The following DAB1 variants were observed in gnomAD, a reference collection of about 807,000 sequenced individuals.
DAB1 encodes the protein DAB adaptor protein 1, also known as disabled homolog 1.
DAB1 carries 15 observed loss-of-function variants against 64.6 expected under a neutral mutation model. The observed-to-expected ratio is 0.23, with a 90% CI of 0.16 to 0.36. DAB1 has a LOEUF of 0.36. DAB1 is among the 10% of genes least tolerant of loss of function. The probability of loss-of-function intolerance (pLI) is 1.00; values close to 1 mark genes in which losing one functional copy is unlikely to be tolerated. For synonymous variants in DAB1, 235 were observed against 251.9 expected (o/e 0.93, Z 0.64); for missense variants, 596 against 706.7 (o/e 0.84, Z 1.78).
intron 4 of DAB1, among the ~76,000 whole-genome samples, chr1:57,134,537 AGG>A (rs1657913535): frequency 6.6e-6 from 1 of 151,804 alleles, no homozygotes; most frequent in Non-Finnish European, 1.5e-5. Flanking sequence ...GTAGTGAAGG[AGG>A]GAGAGGAAGA....
At chr1:57,956,379 T>C (rs1645394333) in intron 5 of DAB1, among the ~76,000 whole-genome samples, 1 of 152,118 alleles carries the variant, frequency 6.6e-6, no homozygotes, top group East Asian at 1.9e-4. Flanking sequence ...AGCAGCCCCC[T>C]TGAAGGGGAT....
chr1:57,490,482 C>G (rs1644148150), intron 7 of DAB1, among the ~76,000 whole-genome samples: 3 of 151,898 alleles, frequency 2.0e-5, no homozygotes, highest in Admixed American at 2.0e-4. Context: ...TATAGGATTG[C>G]CTAGGCTGCT....
intron 2 of DAB1, among the ~76,000 whole-genome samples, chr1:57,223,583 A>G (rs1426355928): frequency 2.0e-5 from 3 of 152,164 alleles, no homozygotes; most frequent in African/African-American, 7.2e-5. Flanking sequence ...AACTGAGTGG[A>G]TGGAAGCCAC....
chr1:57,457,305 A>T (rs1686633563), intron 7 of DAB1, among the ~76,000 whole-genome samples: 1 of 152,142 alleles, frequency 6.6e-6, no homozygotes, highest in Non-Finnish European at 1.5e-5. Flanking sequence ...CTGTTAGAGA[A>T]ATCTGACCAG....
At chr1:58,088,330 C>A (rs540187006) in intron 5 of DAB1, among the ~76,000 whole-genome samples, 2 of 152,324 alleles carry the variant, frequency 1.3e-5, no homozygotes, top group East Asian at 3.9e-4. Flanking sequence ...CGACATTTTG[C>A]TGAAACGAAT....
intron 1 of DAB1, among the ~76,000 whole-genome samples, chr1:57,421,674 T>C (rs1198334930): frequency 1.3e-5 from 2 of 152,108 alleles, no homozygotes; most frequent in African/African-American, 2.4e-5. Context: ...AAAAGAACAA[T>C]AGCGCTTCAA....
At chr1:57,898,873 C>T (rs1166782625) in intron 5 of DAB1, among the ~76,000 whole-genome samples, 4 of 152,154 alleles carry the variant, frequency 2.6e-5, no homozygotes, top group South Asian at 2.1e-4. Flanking sequence ...TGTGTGCGTG[C>T]GTGTATGCGC....
chr1:57,382,432 G>T (rs558885870), intron 1 of DAB1, among the ~76,000 whole-genome samples: 80 of 152,112 alleles, frequency 5.3e-4, no homozygotes, highest in African/African-American at 1.5e-3. Flanking sequence ...GTTTTCTTTT[G>T]CTGCCATAAC....
intron 4 of DAB1, among the ~76,000 whole-genome samples, chr1:58,156,839 G>A (rs1655253838): frequency 1.3e-5 from 2 of 152,158 alleles, no homozygotes; most frequent in South Asian, 2.1e-4. Context: ...TGATAAGTAG[G>A]AATCAGAACA....
chr1:57,033,406 C>CT, intron 9 of DAB1: 16 of 1,612,920 alleles, frequency 9.9e-6, no homozygotes, highest in Non-Finnish European at 1.4e-5. Flanking sequence ...TCAAAAATCT[C>CT]ATCAAAGTCT....
chr1:57,092,164 A>C (rs545480630), intron 4 of DAB1, among the ~76,000 whole-genome samples: 1 of 152,310 alleles, frequency 6.6e-6, no homozygotes, highest in Non-Finnish European at 1.5e-5. Context: ...ATTGGTTCTC[A>C]CCATTGTATA....
chr1:57,853,551 C>T (rs1162661591), intron 1 of DAB1, among the ~76,000 whole-genome samples: 1 of 151,596 alleles, frequency 6.6e-6, no homozygotes, highest in Non-Finnish European at 1.5e-5. Context: ...AGGCAGGACC[C>T]AGAATCGATG....
intron 4 of DAB1, among the ~76,000 whole-genome samples, chr1:57,092,194 C>T (rs923288257): frequency 6.6e-6 from 1 of 152,208 alleles, no homozygotes; most frequent in Admixed American, 6.5e-5. Flanking sequence ...GCTCATTCAA[C>T]AAAATCATTT....
intron 3 of DAB1, among the ~76,000 whole-genome samples, chr1:58,504,457 C>G (rs1422294800): frequency 6.6e-6 from 1 of 152,170 alleles, no homozygotes; most frequent in Non-Finnish European, 1.5e-5. Context: ...GACAACCGAA[C>G]ATAGACTAGT....
intron 1 of DAB1, among the ~76,000 whole-genome samples, chr1:57,863,976 C>T (rs752915514): frequency 4.6e-5 from 7 of 152,106 alleles, no homozygotes; most frequent in Middle Eastern, 3.2e-3. Flanking sequence ...GAGATAAAAT[C>T]CCTGCTGTCA....
At position 57,699,838 on chromosome 1, in the gene DAB1, G is replaced by A. The variant is rs545343507; in HGVS notation, n.552-50173C>T. On this transcript the variant is annotated intron_variant and non_coding_transcript_variant, in intron 6 of 20. Coordinates refer to the DAB1 transcript ENST00000485760. Reference sequence around the variant, plus strand: ...TGAGGCAGGAGAATCACTTGATCCCGGGAGGCGGAGGTTGCAGTGAGCTGA... The same window carrying A: ...TGAGGCAGGAGAATCACTTGATCCCAGGAGGCGGAGGTTGCAGTGAGCTGA... 9.2e-5 allele frequency among the ~76,000 whole-genome samples: 14 copies of A among 152,204 alleles called. No individual in the cohort carries two copies. The South Asian group carries it at 2.1e-3, about 23-fold the overall frequency.
chr1:57,304,719 AC>A (rs535054771), intron 1 of DAB1, among the ~76,000 whole-genome samples: 141 of 152,342 alleles, frequency 9.3e-4, no homozygotes, highest in African/African-American at 3.1e-3. Flanking sequence ...ATTTGCATAT[AC>A]TTCTTTGGAA....
intron 7 of DAB1, among the ~76,000 whole-genome samples, chr1:57,526,678 G>T (rs1488897014): frequency 6.6e-6 from 1 of 152,154 alleles, no homozygotes; most frequent in African/African-American, 2.4e-5. Context: ...TGGTAAATAA[G>T]AAAGATATAT....
At position 57,779,333 on chromosome 1, in the gene DAB1, G is replaced by A. The variant is rs578214333; in HGVS notation, n.551+104666C>T. Among the ~76,000 whole-genome samples, 8 of 152,194 alleles carry A rather than the reference G, an allele frequency of 5.3e-5. No homozygotes were observed. In the South Asian group the frequency reaches 6.2e-4, roughly 12 times the overall value. On this transcript the variant is annotated intron_variant and non_coding_transcript_variant, in intron 6 of 20. Transcript: ENST00000485760. The stretch of plus-strand genomic sequence containing the variant: ...TTATTATAGAAACTGAAAGGCCAGC[G>A]TGACTGAAGCGAAATGAAGGATGGC...
Sources: gnomAD v4.1 joint callset for allele counts (sites outside exome capture counted in the v4.1 genomes callset) on GRCh38, gnomAD v4.1.1 for gene constraint, MANE v1.5 for transcripts, NCBI Gene and HGNC (gene_info 2026-07-23, HGNC 2026-07-21) for gene names.